Variants in TBC1D32 observed in about 807,000 individuals in gnomAD.
TBC1D32 encodes the protein protein broad-minded.
TBC1D32 carries 151 observed loss-of-function variants against 170.3 expected under a neutral mutation model. The ratio of observed to expected loss-of-function variants is 0.89; its 90% CI spans 0.78 to 1.01. The LOEUF (loss-of-function observed/expected upper bound fraction) is 1.01, where lower values mean the gene tolerates loss of function less well. Among genes scored for constraint, TBC1D32 ranks in the 50% least tolerant of loss-of-function variants. The probability of loss-of-function intolerance (pLI) is 0.00; values close to 1 mark genes in which losing one functional copy is unlikely to be tolerated. For missense variants in TBC1D32, 1,464 were observed against 1,457.1 expected, an observed-to-expected ratio of 1.00 and a Z score of -0.08; for synonymous variants, 498 against 488.0, an observed-to-expected ratio of 1.02 and a Z score of -0.27.
intron 5 of TBC1D32, 138 bp downstream of exon 5, chr6:121,307,838 G>T: frequency 1.1e-6 from 1 of 948,762 alleles, no homozygotes; most frequent in Non-Finnish European, 1.5e-6. Context: ...CTCCAGCCTG[G>T]GCAAAAAGAG....
At chr6:121,143,235 T>C (rs971880434) in intron 24 of TBC1D32, among the ~76,000 whole-genome samples, 1 of 152,148 alleles carries the variant, frequency 6.6e-6, no homozygotes, top group Non-Finnish European at 1.5e-5. Context: ...CTCATATACA[T>C]GTATTCAAGT....
chr6:121,309,096 A>G (rs1312022486), intron 4 of TBC1D32, among the ~76,000 whole-genome samples: 4 of 152,188 alleles, frequency 2.6e-5, no homozygotes, highest in Non-Finnish European at 5.9e-5. Flanking sequence ...GAATATACAT[A>G]TATTTGAAAC....
chr6:121,313,238 T>C (rs1045003340), intron 3 of TBC1D32, among the ~76,000 whole-genome samples: 3 of 150,866 alleles, frequency 2.0e-5, no homozygotes, highest in African/African-American at 7.3e-5. Context: ...CCCAAAGTGC[T>C]GGGATTACAG....
Position 121,281,649 on chromosome 6 carries a change from C to A in TBC1D32, c.1503G>T (p.Leu501=). The A allele has an allele frequency of 6.2e-7, 1 of 1,601,844 alleles. No homozygotes were observed. The highest frequency in any genetic ancestry group is 8.5e-7 in the Non-Finnish European group (1 of 1,173,356). ...YSPASMVTEV[L]WILSDQKECA... ...ATTCTTTTTGATCACTGAGTATCCA[C>A]AGAACTTCAGTCACCATACTTGCAG... The change falls in exon 14 of 32, where the codon CTG becomes CTT. Residue 501 remains leucine (L), a synonymous_variant. Coordinates refer to ENST00000398212, the MANE Select transcript of TBC1D32 (RefSeq NM_152730.6).
At chr6:121,159,645 C>G (rs141819972) in intron 24 of TBC1D32, among the ~76,000 whole-genome samples, 1 of 152,068 alleles carries the variant, frequency 6.6e-6, no homozygotes. Context: ...TAGCCTATTG[C>G]TCCTAGGCTA....
intron 12 of TBC1D32, among the ~76,000 whole-genome samples, chr6:121,284,742 G>C (rs944113060): frequency 1.3e-5 from 2 of 152,088 alleles, no homozygotes; most frequent in Non-Finnish European, 2.9e-5. Context: ...AGGCCAAAAT[G>C]TAGATGTTAA....
intron 22 of TBC1D32, among the ~76,000 whole-genome samples, chr6:121,177,612 A>G (rs2081367774): frequency 6.6e-6 from 1 of 152,192 alleles, no homozygotes; most frequent in Non-Finnish European, 1.5e-5. Flanking sequence ...GATTGCCTAC[A>G]TTGGTGGCTG....
At chr6:121,301,331 T>C (rs1287138047) in intron 9 of TBC1D32, among the ~76,000 whole-genome samples, 1 of 152,106 alleles carries the variant, frequency 6.6e-6, no homozygotes, top group Non-Finnish European at 1.5e-5. Context: ...ATGTGGCACA[T>C]AAACACCATG....
intron 24 of TBC1D32, among the ~76,000 whole-genome samples, chr6:121,136,519 T>C (rs1030572305): frequency 4.0e-5 from 6 of 151,842 alleles, no homozygotes; most frequent in African/African-American, 1.5e-4. Flanking sequence ...CTGCTAAAAA[T>C]CCCACAATGC....
chr6:121,107,043 A>G (rs553955822), intron 29 of TBC1D32, among the ~76,000 whole-genome samples: 1 of 152,036 alleles, frequency 6.6e-6, no homozygotes, highest in African/African-American at 2.4e-5. Context: ...TATATCAACA[A>G]AAAAAGTTAA....
chr6:121,215,270 T>C (rs1175727131), intron 21 of TBC1D32, among the ~76,000 whole-genome samples: 1 of 152,176 alleles, frequency 6.6e-6, no homozygotes, highest in Non-Finnish European at 1.5e-5. Context: ...AGGCCAACCA[T>C]GGCTTGAAGG....
chr6:121,296,530 A>G (rs4946560), intron 10 of TBC1D32, among the ~76,000 whole-genome samples: 4,996 of 152,262 alleles, frequency 0.033, 194 homozygotes, highest in East Asian at 0.12. Context: ...AATGAATGAC[A>G]TTAGTCAATT....
intron 2 of TBC1D32, among the ~76,000 whole-genome samples, chr6:121,318,348 C>T (rs931263305): frequency 1.3e-5 from 2 of 152,036 alleles, no homozygotes; most frequent in African/African-American, 2.4e-5. Flanking sequence ...AATTTCTCTA[C>T]TTTGTAAGTT....
chr6:121,212,874 T>C (rs1793269360), intron 21 of TBC1D32, among the ~76,000 whole-genome samples: 1 of 152,188 alleles, frequency 6.6e-6, no homozygotes, highest in African/African-American at 2.4e-5. Context: ...GCTTTACCCT[T>C]TGGATGCAAG....
intron 27 of TBC1D32, among the ~76,000 whole-genome samples, chr6:121,113,570 A>C (rs1779408609): frequency 6.6e-6 from 1 of 152,136 alleles, no homozygotes; most frequent in African/African-American, 2.4e-5. Flanking sequence ...CCACTCTGGA[A>C]ATGTGTAGGA....
At chr6:121,232,888 G>A (rs937233557) in intron 20 of TBC1D32, among the ~76,000 whole-genome samples, 5 of 151,980 alleles carry the variant, frequency 3.3e-5, no homozygotes, top group Non-Finnish European at 7.4e-5. Flanking sequence ...CCCCGCTTTT[G>A]CTGTATCTAG....
chr6:121,261,422 G>A (rs1799753178), intron 15 of TBC1D32, among the ~76,000 whole-genome samples: 1 of 152,174 alleles, frequency 6.6e-6, no homozygotes, highest in Non-Finnish European at 1.5e-5. Context: ...GAAAGAGCCA[G>A]GCACCCATCT....
At chr6:121,217,025 T>G (rs1276192243) in intron 21 of TBC1D32, among the ~76,000 whole-genome samples, 1 of 152,238 alleles carries the variant, frequency 6.6e-6, no homozygotes, top group African/African-American at 2.4e-5. Context: ...CATCAAGGAC[T>G]TGAAAGATGC....
chr6:121,188,792 T>A (rs1425309286), intron 22 of TBC1D32, among the ~76,000 whole-genome samples: 1 of 152,236 alleles, frequency 6.6e-6, no homozygotes, highest in South Asian at 2.1e-4. Context: ...AAATAAAAAA[T>A]AGTGGTTAGT....
Sources: gnomAD v4.1 joint callset for allele counts (sites outside exome capture counted in the v4.1 genomes callset) on GRCh38, gnomAD v4.1.1 for gene constraint, MANE v1.5 for transcripts, NCBI Gene and HGNC (gene_info 2026-07-23, HGNC 2026-07-21) for gene names.